The following PTPRD variants were observed in gnomAD, a reference collection of about 807,000 sequenced individuals.
PTPRD encodes protein tyrosine phosphatase receptor type D, also known as receptor-type tyrosine-protein phosphatase delta.
PTPRD carries 34 observed loss-of-function variants against 214.5 expected under a neutral mutation model. The ratio of observed to expected loss-of-function variants is 0.16; its 90% CI spans 0.12 to 0.21. PTPRD has a LOEUF of 0.21. Among genes scored for constraint, PTPRD ranks in the 10% least tolerant of loss-of-function variants. The probability of loss-of-function intolerance (pLI) is 1.00; values close to 1 mark genes in which losing one functional copy is unlikely to be tolerated. For missense variants in PTPRD, 2,545 were observed against 2,398.7 expected, an observed-to-expected ratio of 1.06 and a Z score of -1.27; for synonymous variants, 1,128 against 845.7, an observed-to-expected ratio of 1.33 and a Z score of -5.79.
At chr9:9,788,960 C>CTA (rs774687714) in intron 5 of PTPRD, among the ~76,000 whole-genome samples, 1 of 152,172 alleles carries the variant, frequency 6.6e-6, no homozygotes, top group Non-Finnish European at 1.5e-5. Flanking sequence ...CGGTGCCTCT[C>CTA]TAACACTTTC....
At chr9:8,774,499 G>A (rs904145125) in intron 11 of PTPRD, among the ~76,000 whole-genome samples, 4 of 146,200 alleles carry the variant, frequency 2.7e-5, no homozygotes, top group East Asian at 2.0e-4. Context: ...TGTTACACAC[G>A]CATAACCAAA....
In PTPRD at chr9:9,496,957, T is replaced by G. The variant is rs1414043967; in HGVS notation, c.-237+77775A>C. On this transcript the variant is annotated intron_variant, in intron 8 of 45. Transcript: ENST00000381196. ...TCTGACATATGCTACAACATGGATT[T>G]TGAGGACATTATCCTAAATGAAACA... Among the ~76,000 whole-genome samples the G allele has an allele frequency of 2.6e-5, 4 of 152,304 alleles. No individual in the cohort carries two copies. The South Asian group carries it at 6.2e-4, about 24-fold the overall frequency.
intron 11 of PTPRD, among the ~76,000 whole-genome samples, chr9:8,972,376 A>AT (rs985290409): frequency 6.6e-6 from 1 of 151,930 alleles, no homozygotes; most frequent in Non-Finnish European, 1.5e-5. Context: ...GATTCAAAGG[A>AT]TTTTTCCCCA....
rs182319141 is a variant in PTPRD, at chr9:9,864,133, C to T, written c.-368+74374G>A. Among the ~76,000 whole-genome samples the T allele has an allele frequency of 1.7e-4, 26 of 152,122 alleles. No homozygotes were observed. The East Asian group carries it at 5.1e-3, about 30-fold the overall frequency. ...CAGCCTGGCCAACATGGTGAAACCC[C>T]ACCTCTACTAAAAAATACAAAAATT... On this transcript the variant is annotated intron_variant, in intron 5 of 45. Coordinates refer to ENST00000381196, the MANE Select transcript of PTPRD (RefSeq NM_002839.4).
intron 5 of PTPRD, among the ~76,000 whole-genome samples, chr9:9,851,324 G>C (rs986632323): frequency 6.6e-6 from 1 of 152,164 alleles, no homozygotes; most frequent in African/African-American, 2.4e-5. Context: ...AACTGCTCTC[G>C]TCAGGCCAGC....
intron 9 of PTPRD, among the ~76,000 whole-genome samples, chr9:9,270,045 A>G (rs894545671): frequency 1.3e-5 from 2 of 150,824 alleles, no homozygotes; most frequent in Non-Finnish European, 3.0e-5. Flanking sequence ...AATGTGTTAT[A>G]TACTGGAAAT....
intron 9 of PTPRD, among the ~76,000 whole-genome samples, chr9:9,202,958 A>T (rs1404253942): frequency 6.6e-6 from 1 of 152,160 alleles, no homozygotes; most frequent in East Asian, 1.9e-4. Context: ...CTCCTAATAC[A>T]TCACCTTTGT....
At chr9:8,933,592 T>C (rs1302139585) in intron 11 of PTPRD, among the ~76,000 whole-genome samples, 1 of 152,054 alleles carries the variant, frequency 6.6e-6, no homozygotes, top group Non-Finnish European at 1.5e-5. Flanking sequence ...GGATACTTGA[T>C]ATATTTATTC....
At chr9:9,030,245 G>C (rs1184839515) in intron 10 of PTPRD, among the ~76,000 whole-genome samples, 2 of 124,918 alleles carry the variant, frequency 1.6e-5, no homozygotes, top group Non-Finnish European at 3.3e-5. Flanking sequence ...ATTTGTCTTA[G>C]TGCCTTTGGA....
At chr9:8,602,488 T>C (rs1199322228) in intron 14 of PTPRD, among the ~76,000 whole-genome samples, 1 of 152,200 alleles carries the variant, frequency 6.6e-6, no homozygotes, top group Non-Finnish European at 1.5e-5. Context: ...TTTCATGAGA[T>C]GATGAATTCC....
intron 34 of PTPRD, among the ~76,000 whole-genome samples, chr9:8,449,274 C>T (rs112525996): frequency 5.0e-4 from 71 of 140,754 alleles, no homozygotes; most frequent in African/African-American, 1.8e-3. Flanking sequence ...TTTCTTCCTT[C>T]CTCTTTCAGA....
At chr9:9,580,480 G>A (rs548222997) in intron 7 of PTPRD, among the ~76,000 whole-genome samples, 6 of 151,362 alleles carry the variant, frequency 4.0e-5, no homozygotes, top group Admixed American at 2.6e-4. Context: ...TTTTTGATGC[G>A]CTTGTTGGCC....
intron 3 of PTPRD, among the ~76,000 whole-genome samples, chr9:10,051,302 T>C (rs183773286): frequency 6.6e-6 from 1 of 152,234 alleles, no homozygotes; most frequent in African/African-American, 2.4e-5. Flanking sequence ...TTTAAAGTAT[T>C]AGAAATAGTA....
chr9:10,132,618 T>C (rs1294398594), intron 3 of PTPRD, among the ~76,000 whole-genome samples: 1 of 152,192 alleles, frequency 6.6e-6, no homozygotes, highest in Non-Finnish European at 1.5e-5. Flanking sequence ...ATAGCTCTGC[T>C]ATGCTAAGAA....
At chr9:9,363,496 A>G (rs2139205708) in intron 9 of PTPRD, among the ~76,000 whole-genome samples, 1 of 151,484 alleles carries the variant, frequency 6.6e-6, no homozygotes. Flanking sequence ...GTTAGGAAAA[A>G]CCATTATGTC....
At chr9:10,148,265 T>C (rs1032931079) in intron 3 of PTPRD, among the ~76,000 whole-genome samples, 1 of 152,214 alleles carries the variant, frequency 6.6e-6, no homozygotes, top group African/African-American at 2.4e-5. Context: ...CTATTCTTAA[T>C]CTATTTTACT....
At chr9:9,096,306 A>G (rs1306994918) in intron 10 of PTPRD, among the ~76,000 whole-genome samples, 2 of 152,204 alleles carry the variant, frequency 1.3e-5, no homozygotes, top group Non-Finnish European at 2.9e-5. Flanking sequence ...ACTATCTATA[A>G]GTATCCCATA....
chr9:8,891,909 T>A (rs1255677150), intron 11 of PTPRD, among the ~76,000 whole-genome samples: 2 of 152,190 alleles, frequency 1.3e-5, no homozygotes, highest in African/African-American at 4.8e-5. Context: ...TGTATAAGAC[T>A]TAATTTTATC....
Position 8,934,482 on chromosome 9 carries a change from TATATATATATAAA to T in PTPRD, c.-104+84202_-104+84214del, listed in dbSNP as rs2098980510. 1.8e-3 allele frequency among the ~76,000 whole-genome samples: 14 copies of T among 7,670 alleles called. 4 individuals carry two copies. In the East Asian group the frequency reaches 0.024, roughly 13 times the overall value. The allele number at this position is 7,670 out of a possible 152,430, so 5.0% of individuals were successfully genotyped here. ...ATATATAAATATATATATATAAATATATATATATATAAATATATATATAAATATATATATATAA... is the reference window on the plus strand; with the variant it reads ...ATATATAAATATATATATATAAATATTATATATATAAATATATATATATAA... On this transcript the variant is annotated intron_variant, in intron 11 of 45. Transcript: ENST00000381196.
Sources: allele counts gnomAD v4.1 joint callset (sites outside exome capture counted in the v4.1 genomes callset), GRCh38; gene constraint gnomAD v4.1.1; transcripts MANE v1.5; gene names NCBI Gene and HGNC (gene_info 2026-07-23, HGNC 2026-07-21).